ZNF438: variants seen among roughly 807,000 people sequenced by gnomAD.
ZNF438 encodes zinc finger protein 438.
ZNF438 carries 25 observed loss-of-function variants against 38.0 expected under a neutral mutation model. The observed-to-expected ratio is 0.66, with a 90% CI of 0.48 to 0.92. The LOEUF is 0.92. Among genes scored for constraint, ZNF438 ranks in the 40% least tolerant of loss-of-function variants. The pLI is 0.00. For synonymous variants in ZNF438, 372 were observed against 364.1 expected, an observed-to-expected ratio of 1.02 and a Z score of -0.25; for missense variants, 1,007 against 999.6, an observed-to-expected ratio of 1.01 and a Z score of -0.10.
intron 3 of ZNF438, among the ~76,000 whole-genome samples, chr10:30,897,145 A>G (rs1170976758): frequency 1.3e-5 from 2 of 152,208 alleles, no homozygotes; most frequent in Non-Finnish European, 2.9e-5. Flanking sequence ...TGGTAAAGGA[A>G]TATCTTCTTA....
intron 4 of ZNF438, among the ~76,000 whole-genome samples, chr10:30,874,188 G>T (rs2038054103): frequency 7.1e-6 from 1 of 140,406 alleles, no homozygotes; most frequent in Non-Finnish European, 1.5e-5. Flanking sequence ...TTGTTCTGTT[G>T]TCCAGGCTGG....
chr10:30,909,925 CAAAG>C (rs1407475044), intron 2 of ZNF438, among the ~76,000 whole-genome samples: 1 of 152,154 alleles, frequency 6.6e-6, no homozygotes, highest in Non-Finnish European at 1.5e-5. Flanking sequence ...TAGAGTGATG[CAAAG>C]AGACTTCTGA....
At chr10:30,903,328 G>A (rs1298215705) in intron 3 of ZNF438, among the ~76,000 whole-genome samples, 11 of 152,138 alleles carry the variant, frequency 7.2e-5, no homozygotes, top group Non-Finnish European at 4.4e-5. Flanking sequence ...AGCGAGTGAG[G>A]GCTGCCAGCA....
At chr10:31,005,220 C>A (rs563853624) in intron 1 of ZNF438, among the ~76,000 whole-genome samples, 3 of 152,196 alleles carry the variant, frequency 2.0e-5, no homozygotes, top group Non-Finnish European at 4.4e-5. Context: ...ATTGAAACAA[C>A]CAAAGTGTCT....
In ZNF438 at chr10:30,961,163, GT is replaced by G. The variant is rs1156667139; in HGVS notation, c.-191-19513del. ...AGCCTGTTTCTTAAAAAAAAAAAAA[GT>G]TTTTTTTACATATGTATACATATGT... On this transcript the variant is annotated intron_variant, in intron 1 of 5. Coordinates refer to ENST00000413025, the Ensembl canonical transcript of ZNF438. 4.9e-4 allele frequency among the ~76,000 whole-genome samples: 67 copies of G among 136,316 alleles called. 9 individuals are homozygous for G. Among genetic ancestry groups the G allele is most frequent in the Non-Finnish European group, 5.9e-4 (36 of 60,910 alleles). 89.4% of individuals were successfully genotyped at this position (136,316 alleles called of 152,430 possible). A position where few individuals can be genotyped will look rare whatever the true frequency, so the allele number is the denominator to read the frequency against.
chr10:30,852,692 A>AT (rs1352714747), intron 4 of ZNF438, among the ~76,000 whole-genome samples: 1 of 152,270 alleles, frequency 6.6e-6, no homozygotes, highest in Non-Finnish European at 1.5e-5. Flanking sequence ...ATTATGAAAC[A>AT]TAAGTTCACA....
chr10:31,024,215 ATAGGTTATT>A (rs2056791770), intron 1 of ZNF438, among the ~76,000 whole-genome samples: 1 of 152,244 alleles, frequency 6.6e-6, no homozygotes, highest in African/African-American at 2.4e-5. Context: ...GTGGCACTGA[ATAGGTTATT>A]TAATATCTCT....
At chr10:30,932,742 T>G (rs1564671213) in intron 2 of ZNF438, among the ~76,000 whole-genome samples, 1 of 152,206 alleles carries the variant, frequency 6.6e-6, no homozygotes, top group Non-Finnish European at 1.5e-5. Flanking sequence ...ATGACCTTAT[T>G]TGGAAATAGG....
At chr10:30,898,622 TA>T (rs1222527455) in intron 3 of ZNF438, among the ~76,000 whole-genome samples, 2 of 152,142 alleles carry the variant, frequency 1.3e-5, no homozygotes, top group Admixed American at 1.3e-4. Context: ...ATAACCGTTC[TA>T]AAAGGGGGGG....
chr10:30,902,113 A>G (rs766554574), intron 3 of ZNF438, among the ~76,000 whole-genome samples: 8 of 152,166 alleles, frequency 5.3e-5, no homozygotes, highest in African/African-American at 1.4e-4. Flanking sequence ...AAGCTTCCAC[A>G]GTGTGGAAGA....
Position 30,920,424 on chromosome 10 carries a change from C to CTTTT in ZNF438, c.-114-11410_-114-11409insAAAA, listed in dbSNP as rs2044161667. On this transcript the variant is annotated intron_variant, in intron 2 of 5. Coordinates refer to ENST00000413025, the Ensembl canonical transcript of ZNF438. Reference sequence around the variant, plus strand: ...CTTCCTTTTAATGGTTGATCTTGGGCTAAAAAGGGCTCTGGTATTTTCTGG... The same window carrying CTTTT: ...CTTCCTTTTAATGGTTGATCTTGGGCTTTTTAAAAAGGGCTCTGGTATTTTCTGG... 4.6e-5 allele frequency: 7 copies of CTTTT among 152,280 alleles called. 1 individual carries two copies. The South Asian group carries it at 1.5e-3, about 32-fold the overall frequency. 9.4% of individuals were successfully genotyped at this position (152,280 alleles called of 1,614,324 possible).
intron 1 of ZNF438, among the ~76,000 whole-genome samples, chr10:31,006,841 T>C (rs2055184625): frequency 4.1e-5 from 6 of 147,904 alleles, no homozygotes; most frequent in Admixed American, 2.7e-4. Flanking sequence ...TGTTGGCTAA[T>C]AGAAAAAAAA....
intron 3 of ZNF438, among the ~76,000 whole-genome samples, chr10:30,907,010 T>C (rs1295933823): frequency 1.3e-5 from 2 of 152,248 alleles, no homozygotes; most frequent in African/African-American, 2.4e-5. Flanking sequence ...GTCTTGCTCT[T>C]GTCGCCCAGG....
intron 1 of ZNF438, among the ~76,000 whole-genome samples, chr10:31,025,191 G>C (rs1286604695): frequency 6.6e-6 from 1 of 152,210 alleles, no homozygotes; most frequent in East Asian, 1.9e-4. Flanking sequence ...AGGAGGAACA[G>C]AAGGAAGGAG....
intron 2 of ZNF438, among the ~76,000 whole-genome samples, chr10:30,922,765 G>A (rs1331817726): frequency 6.6e-6 from 1 of 151,876 alleles, no homozygotes; most frequent in Non-Finnish European, 1.5e-5. Flanking sequence ...AACCAGAGAG[G>A]TGGAAGTTGC....
chr10:30,849,123 C>T, exon 5 of ZNF438: 2 of 1,613,744 alleles, frequency 1.2e-6, no homozygotes, highest in Non-Finnish European at 1.7e-6. Context: ...TTCAGGGTCC[C>T]CAGCTTTTGG....
intron 2 of ZNF438, among the ~76,000 whole-genome samples, chr10:30,930,947 T>C (rs1469484949): frequency 6.6e-6 from 1 of 152,136 alleles, no homozygotes; most frequent in East Asian, 1.9e-4. Flanking sequence ...TTCCCATTTT[T>C]CTTCTGGTTC....
intron 1 of ZNF438, among the ~76,000 whole-genome samples, chr10:31,009,642 TC>T (rs1401137698): frequency 1.3e-5 from 2 of 152,114 alleles, no homozygotes; most frequent in African/African-American, 4.8e-5. Context: ...AACCTTAAAT[TC>T]CTTAGTTGCA....
intron 2 of ZNF438, among the ~76,000 whole-genome samples, chr10:30,932,246 T>C (rs1045106412): frequency 6.6e-6 from 1 of 152,218 alleles, no homozygotes; most frequent in Non-Finnish European, 1.5e-5. Flanking sequence ...ATTAAAATTC[T>C]AGTCTCTCTC....
Sources: gnomAD v4.1 joint callset for allele counts (sites outside exome capture counted in the v4.1 genomes callset) on GRCh38, gnomAD v4.1.1 for gene constraint, MANE v1.5 for transcripts, NCBI Gene and HGNC (gene_info 2026-07-23, HGNC 2026-07-21) for gene names.